Variants in KCNMB2 observed in about 807,000 individuals in gnomAD.
The protein encoded by KCNMB2 is calcium-activated potassium channel subunit beta-2.
Under a neutral mutation model 24.5 loss-of-function variants are expected in KCNMB2, and 9 were observed. The observed-to-expected ratio is 0.37, with a 90% CI of 0.22 to 0.64. The LOEUF is 0.64. Among genes scored for constraint, KCNMB2 ranks in the 30% least tolerant of loss-of-function variants. The pLI is 0.63. For synonymous variants in KCNMB2, 109 were observed against 104.4 expected (o/e 1.04, Z -0.27); for missense variants, 226 against 284.3 (o/e 0.79, Z 1.47).
chr3:178,772,872 A>G (rs1021714575), intron 1 of KCNMB2, among the ~76,000 whole-genome samples: 1 of 152,156 alleles, frequency 6.6e-6, no homozygotes, highest in Non-Finnish European at 1.5e-5. Context: ...ATCACATCTT[A>G]TATACCCAGT....
intron 1 of KCNMB2, among the ~76,000 whole-genome samples, chr3:178,761,295 T>C (rs967999363): frequency 2.6e-5 from 4 of 152,202 alleles, no homozygotes; most frequent in African/African-American, 4.8e-5. Flanking sequence ...AATAGTAGCA[T>C]TGTGCATTCT....
intron 2 of KCNMB2, 133 bp downstream of exon 2, chr3:178,807,598 G>A (rs906480879): frequency 1.5e-6 from 1 of 689,468 alleles, no homozygotes; most frequent in Admixed American, 2.5e-5. Flanking sequence ...CAGTACAGGA[G>A]TAGGGTTTCA....
At chr3:178,614,275 A>ATATATATATATATATATATATG (rs1718612085) in intron 1 of KCNMB2, among the ~76,000 whole-genome samples, 1 of 66,832 alleles carries the variant, frequency 1.5e-5, no homozygotes, top group African/African-American at 5.4e-5. Flanking sequence ...ATATATATAT[A>ATATATATATATATATATATATG]TATATATATA....
intron 1 of KCNMB2, among the ~76,000 whole-genome samples, chr3:178,677,648 T>G (rs1458010465): frequency 6.6e-6 from 1 of 152,320 alleles, no homozygotes; most frequent in African/African-American, 2.4e-5. Flanking sequence ...AGATGTCAAC[T>G]CAAAAATCAC....
Position 178,633,745 on chromosome 3 carries a change from T to C in KCNMB2, c.-68+97034T>C, listed in dbSNP as rs73042347. ...TTAGCATTTGGCTCCTTGTTACTCA[T>C]GCAAACTTCTACTACTGGCTTGAAT... is the stretch of plus-strand genomic sequence containing the variant. On this transcript the variant is annotated intron_variant, in intron 1 of 4. Coordinates refer to ENST00000452583, the MANE Select transcript of KCNMB2 (RefSeq NM_181361.3). Among the ~76,000 whole-genome samples the C allele has an allele frequency of 8.5e-4, 130 of 152,368 alleles. 1 individual carries two copies. Among genetic ancestry groups the C allele is most frequent in the African/African-American group, 3.0e-3 (123 of 41,594 alleles).
chr3:178,813,420 T>C (rs1714273830), intron 2 of KCNMB2, among the ~76,000 whole-genome samples: 1 of 152,216 alleles, frequency 6.6e-6, no homozygotes, highest in African/African-American at 2.4e-5. Flanking sequence ...GTTATATATG[T>C]GTTTTTACTG....
rs953997051 is a variant in KCNMB2, at chr3:178,616,840, C to A, written c.-68+80129C>A. Among the ~76,000 whole-genome samples, 4 of 152,258 alleles carry A rather than the reference C, an allele frequency of 2.6e-5. No homozygotes were observed. The South Asian group carries it at 8.3e-4, about 32-fold the overall frequency. Reference sequence around the variant, plus strand: ...TCCATGATATGCCTACAGATTCATACCAAATCATTTGTAAAAATGGAAAGT... The same window carrying A: ...TCCATGATATGCCTACAGATTCATAACAAATCATTTGTAAAAATGGAAAGT... On this transcript the variant is annotated intron_variant, in intron 1 of 4. Transcript: ENST00000452583.
intron 1 of KCNMB2, among the ~76,000 whole-genome samples, chr3:178,643,520 T>G (rs1053737365): frequency 6.6e-6 from 1 of 152,082 alleles, no homozygotes; most frequent in Non-Finnish European, 1.5e-5. Context: ...TGGTAAAGAG[T>G]GGAGGAAGGG....
At chr3:178,805,036 C>T (rs1481565288) in intron 1 of KCNMB2, among the ~76,000 whole-genome samples, 1 of 152,208 alleles carries the variant, frequency 6.6e-6, no homozygotes, top group Non-Finnish European at 1.5e-5. Context: ...CAGGCCTAAG[C>T]CATTTAAAGA....
At chr3:178,578,015 G>A (rs1296493249) in intron 1 of KCNMB2, among the ~76,000 whole-genome samples, 1 of 152,148 alleles carries the variant, frequency 6.6e-6, no homozygotes, top group East Asian at 1.9e-4. Flanking sequence ...TCAAACTCAG[G>A]AAATACAGAG....
chr3:178,725,127 T>G (rs1169056902), intron 1 of KCNMB2, among the ~76,000 whole-genome samples: 1 of 152,118 alleles, frequency 6.6e-6, no homozygotes, highest in Non-Finnish European at 1.5e-5. Context: ...TTAACAATAT[T>G]GATTCTTCCA....
At chr3:178,751,602 A>T (rs1297557227) in intron 1 of KCNMB2, among the ~76,000 whole-genome samples, 1 of 150,348 alleles carries the variant, frequency 6.7e-6, no homozygotes, top group African/African-American at 2.4e-5. Flanking sequence ...AAAAAAAAAA[A>T]AAAGCAGTTA....
chr3:178,616,380 G>A (rs2108522153), intron 1 of KCNMB2, among the ~76,000 whole-genome samples: 1 of 152,310 alleles, frequency 6.6e-6, no homozygotes, highest in Admixed American at 6.5e-5. Flanking sequence ...TCTGGCTAGG[G>A]CTGGTTTAAA....
chr3:178,765,464 G>A (rs988614629), intron 1 of KCNMB2, among the ~76,000 whole-genome samples: 1 of 152,160 alleles, frequency 6.6e-6, no homozygotes, highest in Non-Finnish European at 1.5e-5. Context: ...TCCAAAGGGA[G>A]CCTGAGGCCA....
intron 1 of KCNMB2, among the ~76,000 whole-genome samples, chr3:178,605,995 T>C (rs1718257817): frequency 6.6e-6 from 1 of 152,170 alleles, no homozygotes; most frequent in Non-Finnish European, 1.5e-5. Flanking sequence ...TGTGGCCTAG[T>C]GACCATTTGA....
intron 1 of KCNMB2, among the ~76,000 whole-genome samples, chr3:178,663,854 G>C (rs1720621829): frequency 6.6e-6 from 1 of 152,118 alleles, no homozygotes; most frequent in Admixed American, 6.6e-5. Context: ...TGTTTTAAGG[G>C]TGTTAAACTG....
intron 1 of KCNMB2, among the ~76,000 whole-genome samples, chr3:178,584,982 T>A (rs1177485380): frequency 1.3e-5 from 2 of 152,220 alleles, no homozygotes; most frequent in African/African-American, 4.8e-5. Context: ...TACAATGTTC[T>A]TTCTTGTAAG....
intron 4 of KCNMB2, among the ~76,000 whole-genome samples, chr3:178,838,765 GCTTC>G (rs1267894316): frequency 1.3e-5 from 2 of 152,040 alleles, no homozygotes; most frequent in African/African-American, 2.4e-5. Flanking sequence ...AAGTTCACCC[GCTTC>G]CTTATCTGTG....
At chr3:178,771,622 A>C (rs577494818) in intron 1 of KCNMB2, among the ~76,000 whole-genome samples, 1 of 151,432 alleles carries the variant, frequency 6.6e-6, no homozygotes, top group South Asian at 2.1e-4. Flanking sequence ...CATTGGAATT[A>C]CAGGCATGAG....
Sources: allele counts gnomAD v4.1 joint callset (sites outside exome capture counted in the v4.1 genomes callset), GRCh38; gene constraint gnomAD v4.1.1; transcripts MANE v1.5; gene names NCBI Gene and HGNC (gene_info 2026-07-23, HGNC 2026-07-21).